The following TCERG1L variants were observed in gnomAD, a reference collection of about 807,000 sequenced individuals.
TCERG1L encodes transcription elongation regulator 1-like protein.
In TCERG1L, 37 loss-of-function variants were observed where a neutral mutation model predicts 56.3. The observed-to-expected ratio is 0.66, with a 90% CI of 0.51 to 0.87. TCERG1L has a LOEUF of 0.87. TCERG1L is among the 40% of genes least tolerant of loss of function. The probability of loss-of-function intolerance (pLI) is 0.00; values close to 1 mark genes in which losing one functional copy is unlikely to be tolerated. For missense variants in TCERG1L, 799 were observed against 774.2 expected (o/e 1.03, Z -0.38); for synonymous variants, 324 against 326.3 (o/e 0.99, Z 0.08).
intron 9 of TCERG1L, among the ~76,000 whole-genome samples, chr10:131,113,040 G>A (rs745661771): frequency 2.1e-5 from 3 of 142,568 alleles, no homozygotes; most frequent in South Asian, 2.6e-4. Flanking sequence ...GGCTGGGCCT[G>A]CAGGCAAGGC....
Position 131,260,293 on chromosome 10 carries a change from G to A in TCERG1L, c.822C>T (p.Pro274=). The A allele has an allele frequency of 7.1e-7, 1 of 1,415,506 alleles. No individual in the cohort carries two copies. The highest frequency in any genetic ancestry group is 1.8e-5 in the South Asian group (1 of 56,748). 87.7% of individuals were successfully genotyped at this position (1,415,506 alleles called of 1,614,324 possible). The stretch of plus-strand genomic sequence containing the variant: ...GGGACGTCCGGAGGGGTATTTTGAT[G>A]GGTGCCAAGGTCAGGAAGTGGCGCG... ...VQPRHFLTLA[P]IKIPLRTSPV... is the part of the protein sequence containing the mutation. Residue 274 remains proline (P), a synonymous_variant, in exon 4 of 12, where the codon CCC becomes CCT. Transcript: ENST00000368642. The surrounding 1 kb of genome is among the most constrained non-coding windows in gnomAD (Gnocchi z 5.8).
intron 8 of TCERG1L, among the ~76,000 whole-genome samples, chr10:131,127,690 C>T (rs72845619): frequency 0.05 from 7,579 of 152,236 alleles, 284 homozygotes; most frequent in Non-Finnish European, 0.073. Flanking sequence ...GTCACAATCA[C>T]AGACTCTAGG....
intron 8 of TCERG1L, among the ~76,000 whole-genome samples, chr10:131,121,041 G>A (rs1845507179): frequency 6.6e-6 from 1 of 152,242 alleles, no homozygotes; most frequent in Admixed American, 6.5e-5. Flanking sequence ...GAGACTGTCA[G>A]TGCCAGAGGG....
At chr10:131,148,375 TAG>T (rs1491069017) in intron 6 of TCERG1L, among the ~76,000 whole-genome samples, 1 of 127,738 alleles carries the variant, frequency 7.8e-6, no homozygotes, top group Non-Finnish European at 1.7e-5. Context: ...CACACAGACA[TAG>T]AGACACACAC....
At position 131,311,209 on chromosome 10, in the gene TCERG1L, C is replaced by G; in HGVS notation, c.342+85G>C. On this transcript the variant is annotated intron_variant, in intron 1 of 11. Transcript: ENST00000368642. The surrounding 1 kb of genome is among the most constrained non-coding windows in gnomAD (Gnocchi z 4.0). ...CCGCCGGGGAGGAGGGCGCGCGAGC[C>G]GGAGGCCAGAGCCGGGCCGGGCAGG... The G allele has an allele frequency of 9.4e-7, 1 of 1,067,066 alleles. No individual in the cohort carries two copies. Among genetic ancestry groups the G allele is most frequent in the Non-Finnish European group, 1.2e-6 (1 of 859,864 alleles). 66.1% of individuals were successfully genotyped at this position (1,067,066 alleles called of 1,614,324 possible).
At chr10:131,255,798 T>C (rs1318241107) in intron 4 of TCERG1L, among the ~76,000 whole-genome samples, 1 of 152,232 alleles carries the variant, frequency 6.6e-6, no homozygotes, top group Non-Finnish European at 1.5e-5. Flanking sequence ...ACCTTGCTCA[T>C]AGGAATGATT....
chr10:131,242,941 C>T (rs1332440878), intron 4 of TCERG1L, among the ~76,000 whole-genome samples: 2 of 152,064 alleles, frequency 1.3e-5, no homozygotes, highest in East Asian at 3.9e-4. Flanking sequence ...AGTTAGGACT[C>T]AGAAAGTTGA....
chr10:131,244,155 G>A (rs73398431), intron 4 of TCERG1L, among the ~76,000 whole-genome samples: 8,614 of 152,276 alleles, frequency 0.057, 589 homozygotes, highest in East Asian at 0.23. Context: ...AAAGTGCATC[G>A]ATCGGAAGAG....
chr10:131,283,127 C>T (rs920966820), intron 3 of TCERG1L, among the ~76,000 whole-genome samples: 3 of 152,224 alleles, frequency 2.0e-5, no homozygotes, highest in African/African-American at 7.2e-5. Flanking sequence ...GTCATGTCTG[C>T]CACGGTGCCG....
At chr10:131,282,094 C>G (rs1258176107) in intron 3 of TCERG1L, among the ~76,000 whole-genome samples, 1 of 147,466 alleles carries the variant, frequency 6.8e-6, no homozygotes, top group African/African-American at 2.5e-5. Context: ...GGAGATCACG[C>G]CACTGCAGTC....
chr10:131,098,585 T>C (rs1432758371), intron 10 of TCERG1L, among the ~76,000 whole-genome samples, 161 bp from the exon 11 acceptor site: 2 of 152,236 alleles, frequency 1.3e-5, no homozygotes, highest in African/African-American at 4.8e-5. Context: ...AGCATAGCTC[T>C]CAAGGATCCA....
At chr10:131,167,450 T>C (rs1440218686) in intron 4 of TCERG1L, among the ~76,000 whole-genome samples, 1 of 152,232 alleles carries the variant, frequency 6.6e-6, no homozygotes, top group African/African-American at 2.4e-5. Context: ...ACCTGCGCCC[T>C]GGACTCCATC....
chr10:131,092,862 C>T lies in TCERG1L; in HGVS notation c.*300G>A, dbSNP rs1435479628. 4.2e-6 allele frequency: 1 copy of T among 236,464 alleles called. No homozygotes were observed. The highest frequency in any genetic ancestry group is 2.3e-5 in the African/African-American group (1 of 44,316). The allele number at this position is 236,464 out of a possible 1,614,324, so 14.6% of individuals were successfully genotyped here. A position where few individuals can be genotyped will look rare whatever the true frequency, so the allele number is the denominator to read the frequency against. On this transcript the variant is annotated 3_prime_UTR_variant, in exon 12 of 12. Transcript: ENST00000368642. ...ATTGTTACAGAGGCTCCCGTTCCTG[C>T]TTCCCCACAGTCCTGCAGTGGATTG...
chr10:131,205,963 A>G (rs1845520138), intron 4 of TCERG1L, among the ~76,000 whole-genome samples: 1 of 152,160 alleles, frequency 6.6e-6, no homozygotes, highest in South Asian at 2.1e-4. Context: ...AGCTTGCCAT[A>G]TGAGCAGGGG....
chr10:131,294,912 C>T (rs1846673653), intron 3 of TCERG1L, among the ~76,000 whole-genome samples: 1 of 151,650 alleles, frequency 6.6e-6, no homozygotes, highest in African/African-American at 2.4e-5. Context: ...TAAATGTATA[C>T]ACTTATGAAA....
intron 3 of TCERG1L, among the ~76,000 whole-genome samples, chr10:131,261,777 T>C (rs901000513): frequency 1.3e-5 from 2 of 152,072 alleles, no homozygotes; most frequent in African/African-American, 4.8e-5. Context: ...TTCTTGTTGA[T>C]TTTCTGTACT....
chr10:131,179,026 C>G (rs534046325), intron 4 of TCERG1L, among the ~76,000 whole-genome samples: 1 of 152,356 alleles, frequency 6.6e-6, no homozygotes, highest in Non-Finnish European at 1.5e-5. Flanking sequence ...ACCAGCCCAG[C>G]CTCCAGCCCC....
At position 131,123,414 on chromosome 10, in the gene TCERG1L, G is replaced by T. The variant is rs964300041; in HGVS notation, c.1260-6480C>A. 1.3e-4 allele frequency among the ~76,000 whole-genome samples: 20 copies of T among 152,106 alleles called. 1 individual carries two copies. Among genetic ancestry groups the T allele is most frequent in the Admixed American group, 8.5e-4 (13 of 15,272 alleles). ...TGAGAAGAGGTGAGGAGCCCTGGGG[G>T]TATCTGGGAGAACATTCCAGACTCA... On this transcript the variant is annotated intron_variant, in intron 8 of 11. Coordinates refer to ENST00000368642, the MANE Select transcript of TCERG1L (RefSeq NM_174937.4).
chr10:131,251,775 A>T (rs1846114019), intron 4 of TCERG1L, among the ~76,000 whole-genome samples: 1 of 152,192 alleles, frequency 6.6e-6, no homozygotes, highest in Non-Finnish European at 1.5e-5. Flanking sequence ...ATTGTGGTAA[A>T]ATATACATAA....
Sources: allele counts gnomAD v4.1 joint callset (sites outside exome capture counted in the v4.1 genomes callset), GRCh38; gene constraint gnomAD v4.1.1; non-coding constraint Gnocchi (gnomAD v3.1); transcripts MANE v1.5; gene names NCBI Gene and HGNC (gene_info 2026-07-23, HGNC 2026-07-21).